The following ARHGEF3 variants were observed in gnomAD, a reference collection of about 807,000 sequenced individuals.
ARHGEF3 encodes the protein Rho guanine nucleotide exchange factor 3, also known as 59.8 kDA protein.
Under a neutral mutation model 63.2 loss-of-function variants are expected in ARHGEF3, and 28 were observed. That is an observed-to-expected ratio of 0.44 (90% confidence interval 0.33 to 0.61). The LOEUF (loss-of-function observed/expected upper bound fraction) is 0.61, where lower values mean the gene tolerates loss of function less well. Ranked by LOEUF, ARHGEF3 falls within the 20% of genes least tolerant of loss-of-function variation. ARHGEF3 has a pLI of 0.03. For missense variants in ARHGEF3, 533 were observed against 659.3 expected, an observed-to-expected ratio of 0.81 and a Z score of 2.10; for synonymous variants, 266 against 254.2, an observed-to-expected ratio of 1.05 and a Z score of -0.44.
chr3:56,995,620 C>T (rs1182334787), intron 2 of ARHGEF3, among the ~76,000 whole-genome samples: 1 of 113,194 alleles, frequency 8.8e-6, no homozygotes, highest in South Asian at 3.0e-4. Flanking sequence ...GTAAATTTTC[C>T]GAGAGAGAGA....
chr3:56,821,248 G>A (rs1227566044), intron 4 of ARHGEF3, among the ~76,000 whole-genome samples: 2 of 152,138 alleles, frequency 1.3e-5, no homozygotes, highest in East Asian at 3.9e-4. Context: ...ATATGGCCAA[G>A]GTTTGCTTAA....
chr3:57,049,042 G>T (rs1025964483), intron 1 of ARHGEF3, among the ~76,000 whole-genome samples: 2 of 152,168 alleles, frequency 1.3e-5, no homozygotes, highest in East Asian at 1.9e-4. Context: ...AAACAGACTT[G>T]CCAAGGCTGG....
rs200111589 is a variant in ARHGEF3 at position 56,755,118 on chromosome 3, C to A, written c.238G>T (p.Asp80Tyr). Residue 80 changes from aspartate to tyrosine, a missense_variant, in exon 3 of 10, where the codon GAC (aspartate) becomes TAC (tyrosine). Asp to Tyr is a radical substitution (Grantham distance 160). Around this residue, in one of 4 missense-constraint regions of ARHGEF3, gnomAD observed 160 missense variants for 157.3 expected, o/e 1.02. Coordinates refer to ENST00000296315, the MANE Select transcript of ARHGEF3 (RefSeq NM_019555.3). ...GACCAGGGTCGGGGGGCGAGGATGT[C>A]AGGGCGGCTCTCACTGCGGAAGCTA... ...SISFRSESRPDILAPRPWSRN... is the reference protein window; with the variant it reads ...SISFRSESRPYILAPRPWSRN... The A allele has an allele frequency of 3.3e-5, 53 of 1,613,862 alleles. No individual in the cohort carries two copies. Among genetic ancestry groups the A allele is most frequent in the Non-Finnish European group, 3.4e-6 (4 of 1,180,006 alleles).
intron 2 of ARHGEF3, among the ~76,000 whole-genome samples, chr3:57,008,552 C>T (rs777844403): frequency 2.0e-4 from 30 of 152,082 alleles, no homozygotes; most frequent in Non-Finnish European, 3.8e-4. Context: ...TCTTGGCTCA[C>T]AGCAACTTCT....
chr3:56,775,167 A>C, intron 1 of ARHGEF3: 1 of 1,527,552 alleles, frequency 6.5e-7, no homozygotes, highest in Non-Finnish European at 8.8e-7. Context: ...TTGCTTTCAA[A>C]GTTTCGAGGG....
intron 1 of ARHGEF3, among the ~76,000 whole-genome samples, chr3:57,045,427 T>G (rs1347449132): frequency 2.0e-5 from 3 of 152,174 alleles, no homozygotes; most frequent in Non-Finnish European, 4.4e-5. Context: ...CAGGACACAG[T>G]GGTCAGAGCA....
At chr3:56,774,944 T>G in intron 1 of ARHGEF3, 1 of 1,305,756 alleles carries the variant, frequency 7.7e-7, no homozygotes, top group East Asian at 2.8e-5. Context: ...AAACAGGCTA[T>G]GGGGAAGAGA....
chr3:56,882,148 G>C (rs1397153761), intron 4 of ARHGEF3: 3 of 715,454 alleles, frequency 4.2e-6, no homozygotes, highest in Non-Finnish European at 6.7e-6. Flanking sequence ...ATGTTTTTCA[G>C]TTAAAAAAAA....
intron 1 of ARHGEF3, among the ~76,000 whole-genome samples, chr3:57,043,035 A>G (rs886116607): frequency 6.6e-6 from 1 of 150,682 alleles, no homozygotes; most frequent in East Asian, 2.0e-4. Context: ...ACACAACCTC[A>G]AAGTTATTTT....
At chr3:56,898,611 T>C (rs1050575766) in intron 3 of ARHGEF3, 2 of 286,718 alleles carry the variant, frequency 7.0e-6, no homozygotes, top group Non-Finnish European at 1.5e-5. Flanking sequence ...GTATCAGCTG[T>C]TTTCTTCTGG....
At chr3:56,873,786 G>A (rs552650132) in intron 4 of ARHGEF3, among the ~76,000 whole-genome samples, 43 of 152,284 alleles carry the variant, frequency 2.8e-4, no homozygotes, top group African/African-American at 1.0e-3. Flanking sequence ...TGAGGAAACT[G>A]AGGTACAGAA....
intron 2 of ARHGEF3, among the ~76,000 whole-genome samples, chr3:56,993,931 AT>A (rs1218728701): frequency 1.3e-5 from 2 of 151,128 alleles, no homozygotes; most frequent in African/African-American, 4.9e-5. Flanking sequence ...GGGCGTGGTG[AT>A]GGGTGCCTGT....
intron 4 of ARHGEF3, among the ~76,000 whole-genome samples, chr3:56,825,344 A>G (rs1417943938): frequency 6.6e-6 from 1 of 152,216 alleles, no homozygotes. Context: ...GAGTTCTAAA[A>G]TGACGTTCAC....
chr3:57,002,399 T>C (rs1239150338), intron 2 of ARHGEF3, among the ~76,000 whole-genome samples: 1 of 134,530 alleles, frequency 7.4e-6, no homozygotes. Context: ...ATGCACTTAT[T>C]ATATGCCAGG....
intron 1 of ARHGEF3, among the ~76,000 whole-genome samples, chr3:57,046,720 C>T (rs1704469482): frequency 6.6e-6 from 1 of 152,142 alleles, no homozygotes. Context: ...AAGGAAAACA[C>T]ACACCTCTAA....
At chr3:56,795,153 C>T (rs997876491) in intron 1 of ARHGEF3, among the ~76,000 whole-genome samples, 1 of 151,966 alleles carries the variant, frequency 6.6e-6, no homozygotes, top group African/African-American at 2.4e-5. Flanking sequence ...TATTTTTGAC[C>T]AATGGTTGGT....
intron 2 of ARHGEF3, among the ~76,000 whole-genome samples, chr3:56,984,191 C>G (rs1268647631): frequency 6.6e-6 from 1 of 152,230 alleles, no homozygotes; most frequent in African/African-American, 2.4e-5. Context: ...CAAAACCACA[C>G]CGTGGGCTGC....
chr3:57,023,290 C>A (rs1703334120), intron 2 of ARHGEF3, among the ~76,000 whole-genome samples: 2 of 152,164 alleles, frequency 1.3e-5, no homozygotes. Context: ...CTCAATTCTA[C>A]CACCGAATAT....
chr3:56,999,509 T>C lies in ARHGEF3; in HGVS notation c.62+35579A>G, dbSNP rs530218676. On this transcript the variant is annotated intron_variant, in intron 2 of 12. Coordinates refer to the ARHGEF3 transcript ENST00000338458. Reference sequence around the variant, plus strand: ...TGAAGTGGGAAGAAATAAAACTTTATTTTTTAATATTTTAGCAAATATTTT... The same window carrying C: ...TGAAGTGGGAAGAAATAAAACTTTACTTTTTAATATTTTAGCAAATATTTT... 1.3e-3 allele frequency among the ~76,000 whole-genome samples: 198 copies of C among 152,350 alleles called. 1 individual carries two copies. Among genetic ancestry groups the C allele is most frequent in the African/African-American group, 4.5e-3 (187 of 41,572 alleles).
Sources: gnomAD v4.1 joint callset for allele counts (sites outside exome capture counted in the v4.1 genomes callset) on GRCh38, gnomAD v4.1.1 for gene constraint, gnomAD v4.1.1 regional missense constraint, MANE v1.5 for transcripts, NCBI Gene and HGNC (gene_info 2026-07-23, HGNC 2026-07-21) for gene names.